CACNA1C: variants seen among roughly 807,000 people sequenced by gnomAD.
CACNA1C encodes the protein voltage-dependent L-type calcium channel subunit alpha-1C.
In CACNA1C, 30 loss-of-function variants were observed where a neutral mutation model predicts 229.0. That is an observed-to-expected ratio of 0.13 (90% CI 0.10 to 0.18). The LOEUF (loss-of-function observed/expected upper bound fraction) is 0.18. Ranked by LOEUF, CACNA1C falls within the 10% of genes least tolerant of loss-of-function variation. The pLI is 1.00. For missense variants in CACNA1C, 1,658 were observed against 2,845.0 expected, an observed-to-expected ratio of 0.58 and a Z score of 9.49; for synonymous variants, 1,114 against 1,132.5, an observed-to-expected ratio of 0.98 and a Z score of 0.33.
intron 3 of CACNA1C, among the ~76,000 whole-genome samples, chr12:2,358,626 AATGACGAGT>A (rs2097459442): frequency 6.6e-6 from 1 of 152,170 alleles, no homozygotes; most frequent in South Asian, 2.1e-4. Context: ...AGAAGTGCTA[AATGACGAGT>A]TTCTAAGTGC....
intron 3 of CACNA1C, among the ~76,000 whole-genome samples, chr12:2,344,751 A>G (rs2096962470): frequency 1.3e-5 from 2 of 151,986 alleles, no homozygotes; most frequent in African/African-American, 4.8e-5. Context: ...TGCCCCATGT[A>G]GCACCACTGA....
chr12:2,053,044 C>CGCGGCGGGCCCGGA lies in CACNA1C; in HGVS notation c.-511_-498dup. On this transcript the variant is annotated 5_prime_UTR_variant, in exon 1 of 47. Transcript: ENST00000399655. This position sits in a 1 kb window ranked among gnomAD's most constrained non-coding sequence, Gnocchi z 5.8. ...CCTGCCAGAGCGGCGCTCGGCGCGG[C>CGCGGCGGGCCCGGA]GCGGCGGGCCCGGAGCGGCGGCGGC... 1 of 984,546 alleles carries CGCGGCGGGCCCGGA rather than the reference C, an allele frequency of 1.0e-6. No individual in the cohort carries two copies. The highest frequency in any genetic ancestry group is 1.2e-6 in the Non-Finnish European group (1 of 829,590). 61.0% of individuals were successfully genotyped at this position (984,546 alleles called of 1,614,324 possible). A position where few individuals can be genotyped will look rare whatever the true frequency, so the allele number is the denominator to read the frequency against.
intron 3 of CACNA1C, among the ~76,000 whole-genome samples, chr12:2,205,310 GC>G (rs1430011440): frequency 6.6e-5 from 10 of 152,222 alleles, no homozygotes; most frequent in Admixed American, 1.3e-4. Flanking sequence ...TGGCTGTGGG[GC>G]TTGGCTGGTG....
chr12:2,545,752 C>G (rs772019637), intron 9 of CACNA1C, among the ~76,000 whole-genome samples: 1 of 152,210 alleles, frequency 6.6e-6, no homozygotes, highest in Non-Finnish European at 1.5e-5. Flanking sequence ...TCCTTTTGCA[C>G]CAACCTAACT....
chr12:2,180,093 T>C (rs77087398), intron 3 of CACNA1C, among the ~76,000 whole-genome samples: 7,801 of 152,314 alleles, frequency 0.051, 646 homozygotes, highest in African/African-American at 0.18. Context: ...AGAGCACGTC[T>C]TCTCGTTCCC....
chr12:2,186,275 G>A (rs1456348835), intron 3 of CACNA1C, among the ~76,000 whole-genome samples: 11 of 152,220 alleles, frequency 7.2e-5, no homozygotes, highest in Non-Finnish European at 1.0e-4. Context: ...CTGTGTGGTC[G>A]GTCCTCTCGG....
intron 3 of CACNA1C, among the ~76,000 whole-genome samples, chr12:2,177,588 CCT>C: frequency 3.4e-5 from 1 of 29,456 alleles, no homozygotes; most frequent in African/African-American, 1.2e-4. Context: ...TCCCTCCCTC[CCT>C]TCCTTCCTTC....
chr12:2,262,190 G>A (rs894520130), intron 3 of CACNA1C, among the ~76,000 whole-genome samples: 1 of 152,230 alleles, frequency 6.6e-6, no homozygotes, highest in African/African-American at 2.4e-5. Context: ...GGCTAGAGTC[G>A]ATGACTTGGT....
At chr12:2,471,548 T>C (rs1242464134) in intron 5 of CACNA1C, among the ~76,000 whole-genome samples, 1 of 152,236 alleles carries the variant, frequency 6.6e-6, no homozygotes, top group Non-Finnish European at 1.5e-5. Flanking sequence ...TATCTGAACA[T>C]GTCTTTTGCC....
chr12:2,450,871 G>A (rs1034680450), intron 4 of CACNA1C, among the ~76,000 whole-genome samples: 8 of 152,262 alleles, frequency 5.3e-5, no homozygotes, highest in South Asian at 2.1e-4. Context: ...CAGAGCACCC[G>A]CCGTTCACCA....
chr12:2,224,379 G>A (rs1439804260), intron 3 of CACNA1C, among the ~76,000 whole-genome samples: 2 of 152,188 alleles, frequency 1.3e-5, no homozygotes, highest in African/African-American at 2.4e-5. Flanking sequence ...CCCCCTGGCG[G>A]AGCCTCTGAT....
intron 1 of CACNA1C, among the ~76,000 whole-genome samples, chr12:1,985,269 C>A: frequency 1.3e-5 from 2 of 152,184 alleles, no homozygotes; most frequent in Middle Eastern, 6.8e-3. Context: ...TATTGCCCCA[C>A]GGATTTCTGA....
chr12:2,572,341 C>CCTCCTCCTCCT (rs147817332), intron 13 of CACNA1C, among the ~76,000 whole-genome samples: 1 of 120,634 alleles, frequency 8.3e-6, no homozygotes, highest in Non-Finnish European at 1.8e-5. Flanking sequence ...TTCTCTTCTT[C>CCTCCTCCTCCT]CTCCTCCTCC....
At chr12:2,529,485 A>G (rs1301919451) in intron 9 of CACNA1C, among the ~76,000 whole-genome samples, 1 of 152,174 alleles carries the variant, frequency 6.6e-6, no homozygotes, top group Non-Finnish European at 1.5e-5. Context: ...GCAATCAATG[A>G]ATATTGGTTG....
At chr12:2,072,612 C>G (rs2061771813) in intron 1 of CACNA1C, among the ~76,000 whole-genome samples, 1 of 152,146 alleles carries the variant, frequency 6.6e-6, no homozygotes, top group African/African-American at 2.4e-5. Context: ...TTTAAACTTT[C>G]AAGATGTTAG....
intron 15 of CACNA1C, among the ~76,000 whole-genome samples, chr12:2,583,425 C>T (rs1160461617): frequency 1.3e-5 from 2 of 152,238 alleles, no homozygotes; most frequent in African/African-American, 4.8e-5. Context: ...GGCAGAGCTG[C>T]ACAGACTTCA....
intron 13 of CACNA1C, among the ~76,000 whole-genome samples, chr12:2,578,997 G>A (rs1010228958): frequency 2.0e-5 from 3 of 152,006 alleles, no homozygotes; most frequent in African/African-American, 4.8e-5. Flanking sequence ...CCTCCTCCCT[G>A]GAGCCCCAAG....
intron 34 of CACNA1C, among the ~76,000 whole-genome samples, chr12:2,658,175 AC>A (rs1257557418): frequency 6.6e-6 from 1 of 152,242 alleles, no homozygotes; most frequent in Non-Finnish European, 1.5e-5. Context: ...CACCTCAGAA[AC>A]ATTCACAAAA....
chr12:2,555,861 C>T (rs1412231617), intron 10 of CACNA1C, among the ~76,000 whole-genome samples: 1 of 152,182 alleles, frequency 6.6e-6, no homozygotes, highest in Non-Finnish European at 1.5e-5. Flanking sequence ...TGCGACACAG[C>T]TAGCTGTGTG....
Sources: allele counts gnomAD v4.1 joint callset (sites outside exome capture counted in the v4.1 genomes callset), GRCh38; gene constraint gnomAD v4.1.1; non-coding constraint Gnocchi (gnomAD v3.1); transcripts MANE v1.5; gene names NCBI Gene and HGNC (gene_info 2026-07-23, HGNC 2026-07-21).